MAPRE2: variants seen among roughly 807,000 people sequenced by gnomAD.
MAPRE2 encodes the protein microtubule-associated protein RP/EB family member 2.
In MAPRE2, 13 loss-of-function variants were observed where a neutral mutation model predicts 43.2. That is an observed-to-expected ratio of 0.30 (90% CI 0.20 to 0.48). The LOEUF is 0.48. MAPRE2 is among the 20% of genes least tolerant of loss of function. The probability of loss-of-function intolerance (pLI) is 0.99; values close to 1 mark genes in which losing one functional copy is unlikely to be tolerated. For missense variants in MAPRE2, 161 were observed against 400.2 expected (o/e 0.40, Z 5.10); for synonymous variants, 135 against 148.8 (o/e 0.91, Z 0.68).
intron 1 of MAPRE2, among the ~76,000 whole-genome samples, chr18:34,993,507 G>C (rs1025603680): frequency 2.2e-4 from 33 of 152,198 alleles, no homozygotes; most frequent in African/African-American, 7.7e-4. Context: ...CCTTTTCTTT[G>C]AGCCTAATCA....
intron 2 of MAPRE2, among the ~76,000 whole-genome samples, chr18:35,035,845 G>A (rs754085877): frequency 1.5e-5 from 2 of 135,468 alleles, no homozygotes; most frequent in African/African-American, 2.7e-5. Flanking sequence ...GTTTCATCTC[G>A]GGTCTTCTCT....
chr18:35,022,532 A>C (rs1379787804), intron 2 of MAPRE2, among the ~76,000 whole-genome samples: 1 of 152,218 alleles, frequency 6.6e-6, no homozygotes, highest in African/African-American at 2.4e-5. Context: ...ATGTGAAAAA[A>C]ATCCATTTGA....
rs572152172 is a variant in MAPRE2, at chr18:35,007,433, GT to G, written c.-8+1885del. On this transcript the variant is annotated intron_variant, in intron 2 of 7. Transcript: ENST00000413393. Reference sequence around the variant, plus strand: ...ATATATGGGGGTATGGGACAAATGTGTTTTTAAAGAGCCAAATTGTAAATAT... The same window carrying G: ...ATATATGGGGGTATGGGACAAATGTGTTTTAAAGAGCCAAATTGTAAATAT... Among the ~76,000 whole-genome samples the G allele has an allele frequency of 1.1e-4, 17 of 152,312 alleles. 1 individual carries two copies. Among genetic ancestry groups the G allele is most frequent in the South Asian group, 6.2e-4 (3 of 4,824 alleles).
At chr18:35,010,895 A>T (rs2097034227) in intron 2 of MAPRE2, among the ~76,000 whole-genome samples, 1 of 152,228 alleles carries the variant, frequency 6.6e-6, no homozygotes, top group Admixed American at 6.5e-5. Context: ...AATGTTAACA[A>T]TTGCTGAATA....
intron 2 of MAPRE2, among the ~76,000 whole-genome samples, chr18:35,095,135 A>T (rs1231753953): frequency 6.6e-6 from 1 of 152,160 alleles, no homozygotes; most frequent in Non-Finnish European, 1.5e-5. Context: ...TTTAAATGTA[A>T]AACTTGAGAC....
chr18:34,985,539 T>G (rs1346774331), intron 1 of MAPRE2, among the ~76,000 whole-genome samples: 2 of 64,830 alleles, frequency 3.1e-5, no homozygotes, highest in Non-Finnish European at 5.3e-5. Context: ...AAATATAATA[T>G]ATAATATATA....
chr18:35,084,151 G>A (rs1219349776), intron 2 of MAPRE2, among the ~76,000 whole-genome samples: 1 of 152,160 alleles, frequency 6.6e-6, no homozygotes, highest in Non-Finnish European at 1.5e-5. Context: ...GCACACACCT[G>A]TAATCCCAGC....
chr18:35,115,844 G>A lies in MAPRE2; in HGVS notation c.611-11104G>A, dbSNP rs530631157. On this transcript the variant is annotated intron_variant, in intron 4 of 6. Transcript: ENST00000300249. Reference sequence around the variant, plus strand: ...CTGCTATAAACATGTGTGTGCATGTGTCTTTTTCATATAATTACTTCTAGA... The same window carrying A: ...CTGCTATAAACATGTGTGTGCATGTATCTTTTTCATATAATTACTTCTAGA... Among the ~76,000 whole-genome samples, 4 of 152,246 alleles carry A rather than the reference G, an allele frequency of 2.6e-5. No homozygotes were observed. The East Asian group carries it at 7.7e-4, about 29-fold the overall frequency.
chr18:35,093,045 C>T (rs561221155), intron 2 of MAPRE2, among the ~76,000 whole-genome samples: 1 of 152,026 alleles, frequency 6.6e-6, no homozygotes, highest in Non-Finnish European at 1.5e-5. Flanking sequence ...AACCCCATCT[C>T]TTCTACAAAT....
chr18:35,037,642 G>GTA (rs2097051242), upstream of MAPRE2, among the ~76,000 whole-genome samples: 1 of 148,954 alleles, frequency 6.7e-6, no homozygotes, highest in Non-Finnish European at 1.5e-5. Flanking sequence ...ACAGTCATAC[G>GTA]TACAAACACA....
At chr18:35,005,077 A>G (rs1475402920) in intron 1 of MAPRE2, among the ~76,000 whole-genome samples, 1 of 152,198 alleles carries the variant, frequency 6.6e-6, no homozygotes, top group East Asian at 1.9e-4. Flanking sequence ...GTTAAACCTA[A>G]GTTTGGGGAA....
upstream of MAPRE2, among the ~76,000 whole-genome samples, chr18:35,039,085 C>T (rs898196555): frequency 1.3e-5 from 2 of 152,330 alleles, no homozygotes; most frequent in Admixed American, 6.5e-5. Flanking sequence ...CAAATTTAGT[C>T]CCCACAATGA....
chr18:35,039,094 G>A (rs2097052221), upstream of MAPRE2, among the ~76,000 whole-genome samples: 1 of 152,188 alleles, frequency 6.6e-6, no homozygotes, highest in African/African-American at 2.4e-5. Flanking sequence ...TCCCCACAAT[G>A]ACACAAATTA....
At chr18:35,076,747 T>C (rs1022389989) in intron 2 of MAPRE2, among the ~76,000 whole-genome samples, 1 of 152,216 alleles carries the variant, frequency 6.6e-6, no homozygotes, top group African/African-American at 2.4e-5. Flanking sequence ...TTACTCTACT[T>C]GTTTGAAGGA....
At chr18:35,067,577 A>T (rs935353868) in intron 1 of MAPRE2, among the ~76,000 whole-genome samples, 7 of 152,042 alleles carry the variant, frequency 4.6e-5, no homozygotes, top group African/African-American at 1.2e-4. Flanking sequence ...GATTTTTTTT[A>T]AATCATCTTG....
At chr18:35,094,366 T>TG (rs1908304701) in intron 2 of MAPRE2, among the ~76,000 whole-genome samples, 1 of 152,200 alleles carries the variant, frequency 6.6e-6, no homozygotes, top group Admixed American at 6.5e-5. Context: ...AGGAAAATTT[T>TG]GAGAATAAGA....
chr18:35,107,168 T>G (rs1468873357), intron 4 of MAPRE2, among the ~76,000 whole-genome samples: 1 of 152,212 alleles, frequency 6.6e-6, no homozygotes, highest in African/African-American at 2.4e-5. Flanking sequence ...CCTTAGGGAC[T>G]TCAGTGTTTT....
At chr18:34,985,535 AATATATAAT>A (rs1206007404) in intron 1 of MAPRE2, among the ~76,000 whole-genome samples, 12 of 44,670 alleles carry the variant, frequency 2.7e-4, no homozygotes, top group African/African-American at 9.3e-4. Flanking sequence ...TTATAAATAT[AATATATAAT>A]ATATATATTA....
chr18:34,985,272 A>AATATTATATATTATATATTATATT (rs2097019182), intron 1 of MAPRE2, among the ~76,000 whole-genome samples: 1 of 27,872 alleles, frequency 3.6e-5, no homozygotes, highest in African/African-American at 1.3e-4. Context: ...TATATTATAT[A>AATATTATATATTATATATTATATT]ATATAATATA....
Sources: gnomAD v4.1 joint callset for allele counts (sites outside exome capture counted in the v4.1 genomes callset) on GRCh38, gnomAD v4.1.1 for gene constraint, MANE v1.5 for transcripts, NCBI Gene and HGNC (gene_info 2026-07-23, HGNC 2026-07-21) for gene names.